Variants in POLN observed in about 807,000 individuals in gnomAD.
POLN encodes the protein DNA polymerase N.
In POLN, 108 loss-of-function variants were observed where a neutral mutation model predicts 113.5. The ratio of observed to expected loss-of-function variants is 0.95; its 90% CI spans 0.81 to 1.12. The LOEUF (loss-of-function observed/expected upper bound fraction) is 1.12. POLN is among the 50% of genes most tolerant of loss of function. The pLI, the probability that POLN is intolerant of heterozygous loss-of-function variation, is 0.00. For missense variants in POLN, 1,097 were observed against 1,077.1 expected (o/e 1.02, Z -0.26); for synonymous variants, 386 against 391.5 (o/e 0.99, Z 0.17).
At chr4:2,105,493 A>G (rs557110066) in intron 19 of POLN, among the ~76,000 whole-genome samples, 1 of 152,332 alleles carries the variant, frequency 6.6e-6, no homozygotes, top group South Asian at 2.1e-4. Context: ...TAAGAGGAAT[A>G]AATCTATAAG....
chr4:2,136,744 G>A (rs1731867954), intron 16 of POLN, among the ~76,000 whole-genome samples: 1 of 152,234 alleles, frequency 6.6e-6, no homozygotes, highest in African/African-American at 2.4e-5. Flanking sequence ...GTGGGCCTGG[G>A]TATCTTCATC....
intron 13 of POLN, among the ~76,000 whole-genome samples, chr4:2,163,494 G>A (rs1732652542): frequency 6.6e-6 from 1 of 152,236 alleles, no homozygotes; most frequent in Non-Finnish European, 1.5e-5. Context: ...ATGGCTCCGC[G>A]GGCTCACCCG....
chr4:2,215,484 G>A (rs1197449836), intron 3 of POLN, among the ~76,000 whole-genome samples: 1 of 152,206 alleles, frequency 6.6e-6, no homozygotes, highest in Non-Finnish European at 1.5e-5. Flanking sequence ...GCCCTGAGCT[G>A]AGCATGGTCC....
intron 7 of POLN, among the ~76,000 whole-genome samples, chr4:2,181,316 TG>T (rs1356318929): frequency 6.6e-6 from 1 of 152,096 alleles, no homozygotes; most frequent in African/African-American, 2.4e-5. Context: ...AGCTAATTTT[TG>T]TTTTTTTTAG....
chr4:2,185,282 A>C (rs1376989724), intron 7 of POLN, among the ~76,000 whole-genome samples: 1 of 152,270 alleles, frequency 6.6e-6, no homozygotes, highest in Non-Finnish European at 1.5e-5. Flanking sequence ...ATTTACAGGA[A>C]ATAGAAGAGA....
chr4:2,135,596 C>T (rs961711016), intron 16 of POLN, among the ~76,000 whole-genome samples: 7 of 152,204 alleles, frequency 4.6e-5, no homozygotes, highest in Non-Finnish European at 8.8e-5. Context: ...ACATACAGCA[C>T]GTGAACTACC....
intron 2 of POLN, among the ~76,000 whole-genome samples, chr4:2,235,735 C>A (rs1157819502): frequency 6.6e-6 from 1 of 152,008 alleles, no homozygotes; most frequent in Non-Finnish European, 1.5e-5. Context: ...AAACTAAATA[C>A]ACAGTCTAGG....
chr4:2,210,819 G>C (rs1248749370), intron 4 of POLN, among the ~76,000 whole-genome samples: 1 of 149,972 alleles, frequency 6.7e-6, no homozygotes, highest in African/African-American at 2.4e-5. Context: ...TGCTTGGGAG[G>C]CTGAGGCAGG....
At chr4:2,108,981 C>T (rs1327004360) in intron 19 of POLN, among the ~76,000 whole-genome samples, 2 of 151,994 alleles carry the variant, frequency 1.3e-5, no homozygotes, top group African/African-American at 4.8e-5. Flanking sequence ...TGGGCGTCTG[C>T]TCTGCCCGCT....
At chr4:2,197,336 C>G (rs534854740) in intron 6 of POLN, among the ~76,000 whole-genome samples, 76 of 152,282 alleles carry the variant, frequency 5.0e-4, no homozygotes, top group African/African-American at 1.8e-3. Flanking sequence ...AAGCAGAGGG[C>G]AGATTCTATC....
chr4:2,171,281 G>A (rs964719901), intron 11 of POLN, 100 bp from the exon 12 acceptor site: 72 of 1,064,716 alleles, frequency 6.8e-5, no homozygotes, highest in East Asian at 2.1e-4. Flanking sequence ...AGATGGGCAC[G>A]GTGGCTTATG....
At chr4:2,105,208 C>T (rs550682677) in intron 19 of POLN, among the ~76,000 whole-genome samples, 49 of 152,326 alleles carry the variant, frequency 3.2e-4, no homozygotes, top group Non-Finnish European at 5.1e-4. Flanking sequence ...GGGACTCCCA[C>T]GTCTAGTCCA....
chr4:2,204,373 C>T (rs1733793875), intron 5 of POLN, among the ~76,000 whole-genome samples: 1 of 152,028 alleles, frequency 6.6e-6, no homozygotes, highest in Admixed American at 6.5e-5. Flanking sequence ...AAGATACAAC[C>T]TTTCTAATTT....
intron 16 of POLN, among the ~76,000 whole-genome samples, chr4:2,156,166 C>T (rs778958248): frequency 9.2e-5 from 14 of 152,124 alleles, no homozygotes; most frequent in Non-Finnish European, 1.9e-4. Context: ...ATGTGCTTAG[C>T]AAAAAGTGTG....
chr4:2,136,673 T>C (rs1731866043), intron 16 of POLN, among the ~76,000 whole-genome samples: 1 of 152,254 alleles, frequency 6.6e-6, no homozygotes, highest in African/African-American at 2.4e-5. Flanking sequence ...GTCTCAGCTG[T>C]GGGTGAAGGG....
chr4:2,173,849 C>G (rs1732927406), intron 11 of POLN, 106 bp downstream of exon 11: 2 of 1,111,664 alleles, frequency 1.8e-6, no homozygotes, highest in Non-Finnish European at 2.7e-6. Flanking sequence ...CAACACCAAA[C>G]AAGGAAGAGA....
intron 6 of POLN, among the ~76,000 whole-genome samples, chr4:2,196,329 T>C (rs1046306397): frequency 6.6e-6 from 1 of 152,122 alleles, no homozygotes; most frequent in African/African-American, 2.4e-5. Context: ...CAAAACAAGC[T>C]GGACCCAAAT....
At chr4:2,195,123 T>C (rs1404236489) in intron 6 of POLN, among the ~76,000 whole-genome samples, 1 of 152,106 alleles carries the variant, frequency 6.6e-6, no homozygotes, top group African/African-American at 2.4e-5. Context: ...TGCAAAAAAG[T>C]ATGTGTGCTA....
chr4:2,080,106 C>A, intron 23 of POLN: 1 of 985,484 alleles, frequency 1.0e-6, no homozygotes, highest in East Asian at 1.1e-4. Flanking sequence ...GGGACTGACA[C>A]TGTGGGGGGC....
Sources: gnomAD v4.1 joint callset for allele counts (sites outside exome capture counted in the v4.1 genomes callset) on GRCh38, gnomAD v4.1.1 for gene constraint, MANE v1.5 for transcripts, NCBI Gene and HGNC (gene_info 2026-07-23, HGNC 2026-07-21) for gene names.